RFFL: variants seen among roughly 807,000 people sequenced by gnomAD.
RFFL encodes the protein E3 ubiquitin-protein ligase rififylin.
RFFL carries 16 observed loss-of-function variants against 40.4 expected under a neutral mutation model. The observed-to-expected ratio is 0.40, with a 90% CI of 0.27 to 0.60. The LOEUF (loss-of-function observed/expected upper bound fraction) is 0.60. RFFL is among the 20% of genes least tolerant of loss of function. The pLI, the probability that RFFL is intolerant of heterozygous loss-of-function variation, is 0.47. For missense variants in RFFL, 367 were observed against 451.7 expected (o/e 0.81, Z 1.70); for synonymous variants, 154 against 167.9 (o/e 0.92, Z 0.64).
intron 1 of RFFL, among the ~76,000 whole-genome samples, chr17:35,056,464 G>A (rs936754700): frequency 7.0e-6 from 1 of 142,218 alleles, no homozygotes; most frequent in Non-Finnish European, 1.5e-5. Flanking sequence ...CACAACCTCC[G>A]CCTCCTGGGT....
In RFFL at chr17:35,009,073, G is replaced by A. The variant is rs2090917466; in HGVS notation, c.*2895C>T. 1.3e-5 allele frequency: 2 copies of A among 152,622 alleles called. No homozygotes were observed. Among genetic ancestry groups the A allele is most frequent in the Non-Finnish European group, 2.9e-5 (2 of 68,036 alleles). 9.5% of individuals were successfully genotyped at this position (152,622 alleles called of 1,614,324 possible). A position where few individuals can be genotyped will look rare whatever the true frequency, so the allele number is the denominator to read the frequency against. On this transcript the variant is annotated 3_prime_UTR_variant, in exon 7 of 7. Coordinates refer to ENST00000394597, the MANE Select transcript of RFFL (RefSeq NM_001017368.2). Reference sequence around the variant, plus strand: ...GAACCACTGTCAGGCTCTTTTGTCAGTCCTATCAACCTCTAACATCCTCGC... The same window carrying A: ...GAACCACTGTCAGGCTCTTTTGTCAATCCTATCAACCTCTAACATCCTCGC...
intron 1 of RFFL, among the ~76,000 whole-genome samples, chr17:35,062,273 C>T (rs920846755): frequency 2.0e-5 from 3 of 151,838 alleles, no homozygotes; most frequent in Admixed American, 1.3e-4. Context: ...CGTGGTGGCA[C>T]GTACCTGTAG....
chr17:35,088,477 C>T (rs773378488), intron 1 of RFFL, among the ~76,000 whole-genome samples: 1 of 152,196 alleles, frequency 6.6e-6, no homozygotes, highest in African/African-American at 2.4e-5. Flanking sequence ...CATGTCTGGT[C>T]AACTGTCTCC....
intron 1 of RFFL, among the ~76,000 whole-genome samples, chr17:35,055,073 A>T (rs150693272): frequency 1.3e-5 from 2 of 152,082 alleles, no homozygotes; most frequent in Non-Finnish European, 2.9e-5. Flanking sequence ...GCCCACCAGC[A>T]CGCCTGGCCA....
intron 1 of RFFL, among the ~76,000 whole-genome samples, chr17:35,041,565 C>T (rs1037531531): frequency 1.4e-5 from 2 of 147,090 alleles, no homozygotes; most frequent in African/African-American, 2.7e-5. Flanking sequence ...CCATAGTGGG[C>T]TGGTGTGTGA....
At chr17:35,072,391 CATA>C (rs1164660876) in intron 1 of RFFL, among the ~76,000 whole-genome samples, 25 of 152,094 alleles carry the variant, frequency 1.6e-4, no homozygotes, top group African/African-American at 6.0e-4. Context: ...ATTCCATTTC[CATA>C]ATATTTCTGA....
chr17:35,074,830 G>A (rs910938429), intron 1 of RFFL, among the ~76,000 whole-genome samples: 2 of 152,164 alleles, frequency 1.3e-5, no homozygotes, highest in African/African-American at 2.4e-5. Context: ...TTTTAGACAA[G>A]AATAAGCCTT....
intron 1 of RFFL, among the ~76,000 whole-genome samples, chr17:35,031,205 C>T (rs1430078447): frequency 6.6e-6 from 1 of 151,998 alleles, no homozygotes; most frequent in Non-Finnish European, 1.5e-5. Flanking sequence ...CTCCCAGGTT[C>T]AAGTGATTTT....
intron 1 of RFFL, among the ~76,000 whole-genome samples, chr17:35,039,735 T>C (rs1004726791): frequency 1.3e-5 from 2 of 151,736 alleles, no homozygotes; most frequent in Non-Finnish European, 2.9e-5. Flanking sequence ...TGGAGTGCAA[T>C]GGCACGATCT....
chr17:35,033,486 C>G (rs2091098730), intron 1 of RFFL, among the ~76,000 whole-genome samples: 1 of 151,824 alleles, frequency 6.6e-6, no homozygotes, highest in Non-Finnish European at 1.5e-5. Context: ...CAAGATCACA[C>G]CATTGCACTC....
intron 1 of RFFL, among the ~76,000 whole-genome samples, chr17:35,071,048 A>C (rs1439950863): frequency 1.3e-5 from 2 of 150,666 alleles, no homozygotes; most frequent in African/African-American, 4.9e-5. Flanking sequence ...AATACAAAAA[A>C]TTAGCCAGGC....
chr17:35,085,456 T>C (rs548069025), intron 1 of RFFL, among the ~76,000 whole-genome samples: 10 of 152,296 alleles, frequency 6.6e-5, no homozygotes, highest in Non-Finnish European at 8.8e-5. Context: ...TGAGATGGAG[T>C]TTCGCTCTTG....
At chr17:35,018,501 A>G (rs1284584865) in intron 3 of RFFL, among the ~76,000 whole-genome samples, 1 of 152,174 alleles carries the variant, frequency 6.6e-6, no homozygotes, top group Non-Finnish European at 1.5e-5. Context: ...CCCTGCAGGC[A>G]AAGGGCCTGC....
At chr17:35,068,517 A>C (rs1184182183), upstream of RFFL, among the ~76,000 whole-genome samples, 1 of 152,194 alleles carries the variant, frequency 6.6e-6, no homozygotes, top group Non-Finnish European at 1.5e-5. Context: ...GCTGCAAAAC[A>C]ACCCCCCAGT....
chr17:35,029,888 G>A (rs11650512), intron 1 of RFFL, among the ~76,000 whole-genome samples: 53,884 of 140,938 alleles, frequency 0.38, 11,507 homozygotes, highest in Non-Finnish European at 0.47. Flanking sequence ...TCCCCTTCCT[G>A]TGTCCATGTG....
At chr17:35,073,058 T>A (rs182870499) in intron 1 of RFFL, among the ~76,000 whole-genome samples, 2 of 124,856 alleles carry the variant, frequency 1.6e-5, no homozygotes, top group Admixed American at 7.6e-5. Flanking sequence ...AAAAAAAACA[T>A]GAAATTATTC....
At chr17:35,062,686 T>TGTGTAAAAG (rs1411858957) in intron 1 of RFFL, among the ~76,000 whole-genome samples, 4 of 152,188 alleles carry the variant, frequency 2.6e-5, no homozygotes. Context: ...AAAGAACGCT[T>TGTGTAAAAG]ACATATGCTA....
chr17:35,043,618 G>A (rs1455877379), intron 1 of RFFL, among the ~76,000 whole-genome samples: 2 of 152,148 alleles, frequency 1.3e-5, no homozygotes, highest in African/African-American at 4.8e-5. Flanking sequence ...AATCTTCTGT[G>A]CTATTATTTC....
chr17:35,039,716 T>G (rs1456509358), intron 1 of RFFL, among the ~76,000 whole-genome samples: 1 of 151,946 alleles, frequency 6.6e-6, no homozygotes, highest in Non-Finnish European at 1.5e-5. Context: ...TCACTCTTGT[T>G]GCCCAGGCTG....
Sources: allele counts gnomAD v4.1 joint callset (sites outside exome capture counted in the v4.1 genomes callset), GRCh38; gene constraint gnomAD v4.1.1; transcripts MANE v1.5; gene names NCBI Gene and HGNC (gene_info 2026-07-23, HGNC 2026-07-21).